Variants in RSL24D1 observed in about 807,000 individuals in gnomAD.
RSL24D1 encodes the protein probable ribosome biogenesis protein RLP24.
RSL24D1 carries 6 observed loss-of-function variants against 26.2 expected under a neutral mutation model. The observed-to-expected ratio is 0.23, with a 90% CI of 0.13 to 0.45. The LOEUF (loss-of-function observed/expected upper bound fraction) is 0.45. Ranked by LOEUF, RSL24D1 falls within the 20% of genes least tolerant of loss-of-function variation. RSL24D1 has a pLI of 0.99. For synonymous variants in RSL24D1, 61 were observed against 59.1 expected (o/e 1.03, Z -0.15); for missense variants, 176 against 202.6 (o/e 0.87, Z 0.80).
chr15:55,191,056 G>C lies in RSL24D1; in HGVS notation c.196-9C>G, dbSNP rs374949655. The C allele has an allele frequency of 2.6e-6, 4 of 1,557,598 alleles. No homozygotes were observed. The highest frequency in any genetic ancestry group is 1.2e-5 in the South Asian group (1 of 84,592). On this transcript the variant is annotated splice_polypyrimidine_tract_variant and intron_variant, in intron 2 of 5. Coordinates refer to ENST00000260443, the MANE Select transcript of RSL24D1 (RefSeq NM_016304.3). The stretch of plus-strand genomic sequence containing the variant: ...AATTCAAATGAATTATCCTGTAAGA[G>C]GGAACAGAGGAGATAAAAATAAGGT...
rs1238512841 is a variant in RSL24D1, at chr15:55,182,131, A to C, written c.*21T>G. The stretch of plus-strand genomic sequence containing the variant: ...AAAGGGCATTTTCAAATGTACATAA[A>C]AGAAATGGTTACAGAGATTTTTAAG... On this transcript the variant is annotated 3_prime_UTR_variant, in exon 6 of 6. Coordinates refer to ENST00000260443, the MANE Select transcript of RSL24D1 (RefSeq NM_016304.3). 6.7e-7 allele frequency: 1 copy of C among 1,500,106 alleles called. No homozygotes were observed. The highest frequency in any genetic ancestry group is 9.3e-7 in the Non-Finnish European group (1 of 1,079,536). 92.9% of individuals were successfully genotyped at this position (1,500,106 alleles called of 1,614,324 possible).
intron 3 of RSL24D1, 102 bp from the exon 4 acceptor site, chr15:55,185,527 A>G: frequency 1.2e-6 from 1 of 815,836 alleles, no homozygotes; most frequent in Non-Finnish European, 1.9e-6. Flanking sequence ...TTAGAAATGA[A>G]TTTACATGAA....
intron 3 of RSL24D1, among the ~76,000 whole-genome samples, chr15:55,186,302 T>C (rs1037705320): frequency 1.3e-5 from 2 of 152,154 alleles, no homozygotes; most frequent in African/African-American, 4.8e-5. Context: ...GATATTTATA[T>C]AGTCTTAAAG....
chr15:55,189,181 A>G (rs1042689331), intron 3 of RSL24D1, among the ~76,000 whole-genome samples: 2 of 149,524 alleles, frequency 1.3e-5, no homozygotes, highest in Non-Finnish European at 3.0e-5. Context: ...TGACAGAGCA[A>G]GACTCCCATC....
rs1354456126 is a variant in RSL24D1, at chr15:55,196,448, AG to A, written c.81+361del. The A allele has an allele frequency of 7.9e-6, 4 of 507,214 alleles. No homozygotes were observed. In the East Asian group the frequency reaches 2.2e-4, roughly 28 times the overall value. 31.4% of individuals were successfully genotyped at this position (507,214 alleles called of 1,614,324 possible). A position where few individuals can be genotyped will look rare whatever the true frequency, so the allele number is the denominator to read the frequency against. ...TATGGACCTTAGTGTAATGCCTGAC[AG>A]GGTATACACTCAACAAAGTTTACTG... On this transcript the variant is annotated intron_variant, in intron 1 of 5. Transcript: ENST00000260443.
chr15:55,184,885 T>TA (rs1894207690), intron 4 of RSL24D1, among the ~76,000 whole-genome samples: 1 of 152,066 alleles, frequency 6.6e-6, no homozygotes, highest in Non-Finnish European at 1.5e-5. Flanking sequence ...TTCTATACAA[T>TA]AACTTGACCT....
At chr15:55,188,179 AG>A (rs1894244073) in intron 3 of RSL24D1, among the ~76,000 whole-genome samples, 1 of 152,206 alleles carries the variant, frequency 6.6e-6, no homozygotes, top group Admixed American at 6.5e-5. Flanking sequence ...CTGAAATACG[AG>A]GGGTGTGGAG....
At chr15:55,190,913 A>G in intron 3 of RSL24D1, 62 bp downstream of exon 3, 2 of 1,047,634 alleles carry the variant, frequency 1.9e-6, no homozygotes, top group Non-Finnish European at 2.9e-6. Flanking sequence ...TGACACTTAA[A>G]GTTATAGTAT....
chr15:55,192,851 A>C lies in RSL24D1; in HGVS notation c.82-18T>G. On this transcript the variant is annotated intron_variant, in intron 1 of 5. Transcript: ENST00000260443. ...CTGAACACCTACAAGAAAAGTTAAAATATTGAGAAGTCAACATTAAAAACT... is the reference window on the plus strand; with the variant it reads ...CTGAACACCTACAAGAAAAGTTAAACTATTGAGAAGTCAACATTAAAAACT... The C allele has an allele frequency of 5.8e-6, 9 of 1,549,652 alleles. No individual in the cohort carries two copies. Among genetic ancestry groups the C allele is most frequent in the Non-Finnish European group, 8.0e-6 (9 of 1,122,956 alleles).
At chr15:55,186,264 T>A (rs1352744559) in intron 3 of RSL24D1, among the ~76,000 whole-genome samples, 1 of 152,176 alleles carries the variant, frequency 6.6e-6, no homozygotes, top group African/African-American at 2.4e-5. Context: ...CTCTTTAAAG[T>A]GTAGTCTGTA....
chr15:55,193,401 T>G (rs1241847520), intron 1 of RSL24D1, among the ~76,000 whole-genome samples: 4 of 152,200 alleles, frequency 2.6e-5, no homozygotes, highest in Non-Finnish European at 5.9e-5. Context: ...CTGATGATGC[T>G]TCAACATGTC....
intron 1 of RSL24D1, among the ~76,000 whole-genome samples, chr15:55,194,678 C>T (rs1349843869): frequency 2.0e-5 from 3 of 151,912 alleles, no homozygotes; most frequent in African/African-American, 7.3e-5. Context: ...TTAATTCTAC[C>T]CTTAACCCAT....
chr15:55,182,971 T>C (rs1461550580), intron 5 of RSL24D1, among the ~76,000 whole-genome samples: 1 of 152,150 alleles, frequency 6.6e-6, no homozygotes, highest in African/African-American at 2.4e-5. Flanking sequence ...GTTCCCCAAG[T>C]TGGTAATTCT....
chr15:55,191,482 A>G (rs1447797451), intron 2 of RSL24D1, among the ~76,000 whole-genome samples: 5 of 152,158 alleles, frequency 3.3e-5, no homozygotes, highest in East Asian at 3.8e-4. Context: ...GAAAAAAAAA[A>G]AGAGAGAGAA....
intron 3 of RSL24D1, 110 bp downstream of exon 3, chr15:55,190,865 G>A (rs965602557): frequency 1.4e-6 from 1 of 718,810 alleles, no homozygotes; most frequent in East Asian, 2.8e-5. Context: ...AAAAGCCAAG[G>A]AATGATAAAT....
rs962184498 is a variant in RSL24D1, at chr15:55,181,822, T to A, written c.*330A>T. The A allele has an allele frequency of 4.9e-6, 1 of 203,426 alleles. No individual in the cohort carries two copies. Among genetic ancestry groups the A allele is most frequent in the African/African-American group, 2.3e-5 (1 of 43,368 alleles). 12.6% of individuals were successfully genotyped at this position (203,426 alleles called of 1,614,324 possible). A position where few individuals can be genotyped will look rare whatever the true frequency, so the allele number is the denominator to read the frequency against. On this transcript the variant is annotated 3_prime_UTR_variant, in exon 6 of 6. Transcript: ENST00000260443. ...AAGAATATTTTATTTTATACATCAC[T>A]AGCCATGAATTTTTGCCATTAGTTA...
At chr15:55,183,788 A>G (rs538291061) in intron 4 of RSL24D1, among the ~76,000 whole-genome samples, 8 of 152,312 alleles carry the variant, frequency 5.3e-5, no homozygotes, top group Admixed American at 2.6e-4. Flanking sequence ...AATTAGCTCA[A>G]AATAGGATTC....
At chr15:55,186,359 C>T (rs556243540) in intron 3 of RSL24D1, among the ~76,000 whole-genome samples, 1 of 152,218 alleles carries the variant, frequency 6.6e-6, no homozygotes, top group South Asian at 2.1e-4. Flanking sequence ...AAAACAGTAA[C>T]TCTTCAGTGG....
chr15:55,196,207 A>C (rs1595655034), intron 1 of RSL24D1: 1 of 405,802 alleles, frequency 2.5e-6, no homozygotes, highest in East Asian at 7.1e-5. Context: ...AAACAAATGT[A>C]TTTGCTCCGT....
Sources: gnomAD v4.1 joint callset for allele counts (sites outside exome capture counted in the v4.1 genomes callset) on GRCh38, gnomAD v4.1.1 for gene constraint, MANE v1.5 for transcripts, NCBI Gene and HGNC (gene_info 2026-07-23, HGNC 2026-07-21) for gene names.